OSBPL6: variants seen among roughly 807,000 people sequenced by gnomAD.
The protein encoded by OSBPL6 is oxysterol-binding protein-related protein 6.
Under a neutral mutation model 125.8 loss-of-function variants are expected in OSBPL6, and 49 were observed. The ratio of observed to expected loss-of-function variants is 0.39; its 90% CI spans 0.31 to 0.49. The LOEUF (loss-of-function observed/expected upper bound fraction) is 0.49. OSBPL6 is among the 20% of genes least tolerant of loss of function. OSBPL6 has a pLI of 0.88. For missense variants in OSBPL6, 986 were observed against 1,135.4 expected, an observed-to-expected ratio of 0.87 and a Z score of 1.89; for synonymous variants, 394 against 391.8, an observed-to-expected ratio of 1.01 and a Z score of -0.07.
intron 3 of OSBPL6, among the ~76,000 whole-genome samples, chr2:178,309,985 A>G (rs1009919253): frequency 6.6e-6 from 1 of 152,246 alleles, no homozygotes; most frequent in Non-Finnish European, 1.5e-5. Flanking sequence ...GCATTACAAA[A>G]TTAAGGACAC....
intron 1 of OSBPL6, among the ~76,000 whole-genome samples, chr2:178,217,392 G>A (rs146965839): frequency 1.3e-5 from 2 of 152,180 alleles, no homozygotes; most frequent in Non-Finnish European, 2.9e-5. Flanking sequence ...TGCTACAAAA[G>A]AAGTCAGTGG....
At position 178,244,462 on chromosome 2, in the gene OSBPL6, C is replaced by A. The variant is rs549554601; in HGVS notation, c.-350-40465C>A. On this transcript the variant is annotated intron_variant, in intron 1 of 24. Transcript: ENST00000190611. ...CAAGTTCTTTTGGTTTAACACCATACCCCCAGTTCTTAGCACTGTGTCTGG... is the reference window on the plus strand; with the variant it reads ...CAAGTTCTTTTGGTTTAACACCATAACCCCAGTTCTTAGCACTGTGTCTGG... Among the ~76,000 whole-genome samples the A allele has an allele frequency of 5.3e-5, 8 of 152,304 alleles. No individual in the cohort carries two copies. The South Asian group carries it at 1.0e-3, about 20-fold the overall frequency.
Position 178,258,069 on chromosome 2 carries a change from G to T in OSBPL6, c.-350-26858G>T, listed in dbSNP as rs2091941631. On this transcript the variant is annotated intron_variant, in intron 1 of 24. Transcript: ENST00000190611. ...GCCTCCCAAAGTGCTGGGATTACAG[G>T]TGTGAGCCACTGCACTGGCTTAAAG... is the stretch of plus-strand genomic sequence containing the variant. Among the ~76,000 whole-genome samples, 3 of 152,056 alleles carry T rather than the reference G, an allele frequency of 2.0e-5. 1 individual carries two copies. Among genetic ancestry groups the T allele is most frequent in the Admixed American group, 6.5e-5 (1 of 15,268 alleles).
intron 4 of OSBPL6, among the ~76,000 whole-genome samples, chr2:178,324,643 A>T (rs972665214): frequency 2.6e-5 from 4 of 152,344 alleles, no homozygotes; most frequent in Admixed American, 6.5e-5. Context: ...TTGCCCATGT[A>T]CTGCATCACC....
Position 178,394,347 on chromosome 2 carries a change from T to G in OSBPL6, c.2608T>G (p.Ser870Ala), listed in dbSNP as rs751047588. Residue 870 changes from serine to alanine, a missense_variant, in exon 24 of 25, where the codon TCA (serine) becomes GCA (alanine). Around this residue, in one of 3 missense-constraint regions of OSBPL6, gnomAD observed 843 missense variants for 997.3 expected, o/e 0.85. Transcript: ENST00000190611. The part of the protein sequence containing the change: ...LEEGNLEAAA[S>A]EKQRVEELQR... ...AGAAGGAAATTTAGAAGCTGCAGCA[T>G]CAGAGAAGCAAAGAGTAGAGGAACT... The G allele has an allele frequency of 6.2e-7, 1 of 1,613,660 alleles. No individual in the cohort carries two copies. The highest frequency in any genetic ancestry group is 1.1e-5 in the South Asian group (1 of 90,998).
chr2:178,228,255 G>A (rs1193744020), intron 1 of OSBPL6, among the ~76,000 whole-genome samples: 1 of 152,202 alleles, frequency 6.6e-6, no homozygotes, highest in Non-Finnish European at 1.5e-5. Flanking sequence ...TTAAGACACG[G>A]CCGGGCGCGG....
At chr2:178,200,987 G>A (rs1292867650) in intron 1 of OSBPL6, among the ~76,000 whole-genome samples, 1 of 151,754 alleles carries the variant, frequency 6.6e-6, no homozygotes, top group Non-Finnish European at 1.5e-5. Flanking sequence ...GTAGAGATGG[G>A]GTTTCACCGT....
At chr2:178,251,794 G>C (rs1027007836) in intron 1 of OSBPL6, among the ~76,000 whole-genome samples, 15 of 152,106 alleles carry the variant, frequency 9.9e-5, no homozygotes, top group African/African-American at 3.6e-4. Context: ...TTTCCTTTTT[G>C]CTGCTCTACT....
Position 178,289,917 on chromosome 2 carries a change from C to T in OSBPL6, c.-156+4796C>T, listed in dbSNP as rs116353686. On this transcript the variant is annotated intron_variant, in intron 2 of 24. Coordinates refer to ENST00000190611, the MANE Select transcript of OSBPL6 (RefSeq NM_032523.4). The stretch of plus-strand genomic sequence containing the variant: ...ACTATTCTGGCAAGAATTCTGCTTC[C>T]TTTTGCTGTGTACTTTACGTAGTGC... Among the ~76,000 whole-genome samples, 695 of 152,256 alleles carry T rather than the reference C, an allele frequency of 4.6e-3. 5 individuals carry two copies. The highest frequency in any genetic ancestry group is 0.015 in the African/African-American group (637 of 41,540).
chr2:178,333,629 A>G (rs1323763122), intron 8 of OSBPL6, among the ~76,000 whole-genome samples: 10 of 152,196 alleles, frequency 6.6e-5, no homozygotes, highest in African/African-American at 1.9e-4. Context: ...GCTTTGTAGG[A>G]ATACTAGGAA....
chr2:178,278,353 G>A (rs1459526155), intron 1 of OSBPL6, among the ~76,000 whole-genome samples: 5 of 152,148 alleles, frequency 3.3e-5, no homozygotes, highest in African/African-American at 9.7e-5. Context: ...AAGGGCAAGA[G>A]CCTGGTTTTT....
chr2:178,213,892 T>C (rs889440563), intron 1 of OSBPL6, among the ~76,000 whole-genome samples: 1 of 152,208 alleles, frequency 6.6e-6, no homozygotes, highest in Non-Finnish European at 1.5e-5. Context: ...ACTGCCTGCT[T>C]GCCCTTCTCA....
chr2:178,290,050 T>A lies in OSBPL6; in HGVS notation c.-156+4929T>A, dbSNP rs116235376. On this transcript the variant is annotated intron_variant, in intron 2 of 24. Transcript: ENST00000190611. Reference sequence around the variant, plus strand: ...ATCCCCCTGTTCTAAAGTTACCCCATCCGTTTTTTTCACTTCATGATTTTG... The same window carrying A: ...ATCCCCCTGTTCTAAAGTTACCCCAACCGTTTTTTTCACTTCATGATTTTG... Among the ~76,000 whole-genome samples the A allele has an allele frequency of 7.0e-3, 1,068 of 152,296 alleles. 16 individuals carry two copies. Among genetic ancestry groups the A allele is most frequent in the African/African-American group, 0.025 (1,039 of 41,554 alleles).
intron 11 of OSBPL6, among the ~76,000 whole-genome samples, chr2:178,345,166 A>G (rs1690584728): frequency 6.6e-6 from 1 of 152,244 alleles, no homozygotes; most frequent in Non-Finnish European, 1.5e-5. Flanking sequence ...GCACCTATGA[A>G]CATCTTAAAA....
intron 1 of OSBPL6, among the ~76,000 whole-genome samples, chr2:178,269,529 T>C (rs983987933): frequency 2.0e-5 from 3 of 152,202 alleles, no homozygotes; most frequent in African/African-American, 7.2e-5. Context: ...AGAATTTAAA[T>C]ATGGATCCTT....
At chr2:178,197,964 AG>A (rs1473192285) in intron 1 of OSBPL6, among the ~76,000 whole-genome samples, 1 of 152,202 alleles carries the variant, frequency 6.6e-6, no homozygotes, top group Non-Finnish European at 1.5e-5. Context: ...ATTTGCAAAA[AG>A]GTTGAGCAGG....
At chr2:178,256,453 T>C (rs1227223010) in intron 1 of OSBPL6, among the ~76,000 whole-genome samples, 1 of 152,210 alleles carries the variant, frequency 6.6e-6, no homozygotes. Context: ...CATGCTTTTC[T>C]TTAGTAATTT....
chr2:178,250,061 A>G (rs1559161641), intron 1 of OSBPL6, among the ~76,000 whole-genome samples: 1 of 152,218 alleles, frequency 6.6e-6, no homozygotes, highest in Non-Finnish European at 1.5e-5. Flanking sequence ...AGGTTCTACC[A>G]TAGTTCCCAC....
chr2:178,358,381 G>A (rs2154096601), intron 12 of OSBPL6, among the ~76,000 whole-genome samples: 1 of 152,128 alleles, frequency 6.6e-6, no homozygotes. Flanking sequence ...AAATAGTATG[G>A]TATTGGCTTA....
Sources: allele counts gnomAD v4.1 joint callset (sites outside exome capture counted in the v4.1 genomes callset), GRCh38; gene constraint gnomAD v4.1.1; regional missense constraint gnomAD v4.1.1; transcripts MANE v1.5; gene names NCBI Gene and HGNC (gene_info 2026-07-23, HGNC 2026-07-21).